OTULIN: variants seen among roughly 807,000 people sequenced by gnomAD.
OTULIN encodes the protein OTU deubiquitinase with linear linkage specificity, also known as ubiquitin thioesterase otulin.
OTULIN carries 15 observed loss-of-function variants against 39.6 expected under a neutral mutation model. The ratio of observed to expected loss-of-function variants is 0.38; its 90% CI spans 0.25 to 0.58. The LOEUF (loss-of-function observed/expected upper bound fraction) is 0.58, where lower values mean the gene tolerates loss of function less well. Ranked by LOEUF, OTULIN falls within the 20% of genes least tolerant of loss-of-function variation. The probability of loss-of-function intolerance (pLI) is 0.66; values close to 1 mark genes in which losing one functional copy is unlikely to be tolerated. For synonymous variants in OTULIN, 156 were observed against 170.3 expected (o/e 0.92, Z 0.65); for missense variants, 319 against 445.9 (o/e 0.72, Z 2.56).
At chr5:14,679,504 G>A (rs1736191590) in intron 3 of OTULIN, among the ~76,000 whole-genome samples, 1 of 152,020 alleles carries the variant, frequency 6.6e-6, no homozygotes, top group Admixed American at 6.5e-5. Flanking sequence ...AAACCTCTGG[G>A]TTTATCTTTT....
At chr5:14,708,594 CAGG>C in the OTULIN span, 1 of 152,210 alleles carries the variant, frequency 6.6e-6, no homozygotes, top group Non-Finnish European at 1.5e-5. Context: ...AGAAGAAACG[CAGG>C]AGAATATGCC....
chr5:14,716,350 G>C, the OTULIN span, among the ~76,000 whole-genome samples: 2 of 152,136 alleles, frequency 1.3e-5, no homozygotes, highest in South Asian at 4.1e-4. Flanking sequence ...AAAATTAGTT[G>C]GGTATGGTGG....
chr5:14,677,770 CA>C (rs1297051494), intron 2 of OTULIN, among the ~76,000 whole-genome samples: 1 of 152,104 alleles, frequency 6.6e-6, no homozygotes, highest in East Asian at 1.9e-4. Context: ...TTTTTGGGAT[CA>C]GGGTAGGACA....
In OTULIN at chr5:14,697,798, AT is replaced by A. The variant is rs1432778769; in HGVS notation, c.*4751del. On this transcript the variant is annotated 3_prime_UTR_variant, in exon 7 of 7. Coordinates refer to ENST00000284274, the MANE Select transcript of OTULIN (RefSeq NM_138348.6). ...CAGAAATGAAACTGCCAAAACATCG[AT>A]CAGTACAAGGAAGGGACACAGGGCT... 7.2e-5 allele frequency: 11 copies of A among 152,226 alleles called. No individual in the cohort carries two copies. Among genetic ancestry groups the A allele is most frequent in the African/African-American group, 2.7e-4 (11 of 41,468 alleles). The allele number at this position is 152,226 out of a possible 1,614,324, so 9.4% of individuals were successfully genotyped here.
intron 5 of OTULIN, among the ~76,000 whole-genome samples, chr5:14,689,662 G>A (rs372388437): frequency 1.3e-5 from 2 of 152,146 alleles, no homozygotes; most frequent in African/African-American, 4.8e-5. Context: ...TAACCCTCCT[G>A]TAAGCCCCTT....
chr5:14,687,703 C>A, intron 5 of OTULIN, 57 bp downstream of exon 5: 2 of 1,507,858 alleles, frequency 1.3e-6, no homozygotes, highest in Non-Finnish European at 1.8e-6. Context: ...CTTGCTTGCC[C>A]CAGAAGACCA....
chr5:14,679,434 T>C (rs578175067), intron 3 of OTULIN, among the ~76,000 whole-genome samples: 4 of 152,336 alleles, frequency 2.6e-5, no homozygotes, highest in African/African-American at 9.6e-5. Context: ...GGGTGAACCA[T>C]GTGAATTGCT....
At position 14,687,510 on chromosome 5, in the gene OTULIN, C is replaced by T. The variant is rs764058936; in HGVS notation, c.469-11C>T. 3.3e-5 allele frequency: 53 copies of T among 1,607,160 alleles called. No homozygotes were observed. The South Asian group carries it at 3.7e-4, about 11-fold the overall frequency. On this transcript the variant is annotated splice_polypyrimidine_tract_variant and intron_variant, in intron 4 of 6. Coordinates refer to ENST00000284274, the MANE Select transcript of OTULIN (RefSeq NM_138348.6). ...AACACTTCTTTATCTCTTTGTTTCTCGATGTTGTAGTTACCAGAAAAACTC... is the reference window on the plus strand; with the variant it reads ...AACACTTCTTTATCTCTTTGTTTCTTGATGTTGTAGTTACCAGAAAAACTC...
chr5:14,712,286 T>A, the OTULIN span, among the ~76,000 whole-genome samples: 3 of 152,244 alleles, frequency 2.0e-5, no homozygotes, highest in Non-Finnish European at 4.4e-5. Context: ...ACTCTGCTAC[T>A]CTCTTGACCA....
chr5:14,691,035 C>G (rs2126336099), intron 6 of OTULIN, among the ~76,000 whole-genome samples: 1 of 152,316 alleles, frequency 6.6e-6, no homozygotes, highest in Non-Finnish European at 1.5e-5. Flanking sequence ...GCTCTTGGAT[C>G]TTTTACAGAT....
chr5:14,712,657 C>T, the OTULIN span, among the ~76,000 whole-genome samples: 4 of 152,238 alleles, frequency 2.6e-5, no homozygotes, highest in East Asian at 1.9e-4. Flanking sequence ...CAAAACTCTT[C>T]AAAGGGACTG....
the OTULIN span, chr5:14,713,794 G>T: frequency 1.6e-5 from 22 of 1,343,200 alleles, no homozygotes; most frequent in Non-Finnish European, 2.3e-5. This position sits in a 1 kb window ranked among gnomAD's most constrained non-coding sequence, Gnocchi z 4.4. Flanking sequence ...CTGTTGAGCC[G>T]CTGGCCACCT....
rs149539563 is a variant in OTULIN, at chr5:14,694,531, T to G, written c.*1483T>G. 2 of 152,168 alleles carry G rather than the reference T, an allele frequency of 1.3e-5. No individual in the cohort carries two copies. Among genetic ancestry groups the G allele is most frequent in the African/African-American group, 4.8e-5 (2 of 41,376 alleles). The allele number at this position is 152,168 out of a possible 1,614,324, so 9.4% of individuals were successfully genotyped here. A position where few individuals can be genotyped will look rare whatever the true frequency, so the allele number is the denominator to read the frequency against. Reference sequence around the variant, plus strand: ...TTATTTGGTCCAATTTAATATAGTTTAGAAGCTATTTTTTTTGAGGCAAAC... The same window carrying G: ...TTATTTGGTCCAATTTAATATAGTTGAGAAGCTATTTTTTTTGAGGCAAAC... On this transcript the variant is annotated 3_prime_UTR_variant, in exon 7 of 7. Transcript: ENST00000284274.
Position 14,699,382 on chromosome 5 carries a change from A to T in OTULIN, c.*6334A>T, listed in dbSNP as rs949704942. 6.6e-6 allele frequency: 1 copy of T among 152,204 alleles called. No homozygotes were observed. Among genetic ancestry groups the T allele is most frequent in the African/African-American group, 2.4e-5 (1 of 41,448 alleles). The allele number at this position is 152,204 out of a possible 1,614,324, so 9.4% of individuals were successfully genotyped here. A position where few individuals can be genotyped will look rare whatever the true frequency, so the allele number is the denominator to read the frequency against. ...GCAAGATGGAGCTGGGCTTCTGAAG[A>T]ACCCAGTGGGTAGGTACTGGGCATC... On this transcript the variant is annotated 3_prime_UTR_variant, in exon 7 of 7. Transcript: ENST00000284274.
chr5:14,686,031 A>G (rs533955636), intron 4 of OTULIN, among the ~76,000 whole-genome samples: 1 of 152,068 alleles, frequency 6.6e-6, no homozygotes, highest in Non-Finnish European at 1.5e-5. Flanking sequence ...TGAGGAGGAG[A>G]AGTCCCTCTC....
At chr5:14,667,600 C>T (rs2126811518) in intron 1 of OTULIN, among the ~76,000 whole-genome samples, 1 of 152,326 alleles carries the variant, frequency 6.6e-6, no homozygotes, top group Non-Finnish European at 1.5e-5. Flanking sequence ...GTCTCTACCT[C>T]TTGGGCTCAA....
chr5:14,681,309 A>G (rs549107191), intron 3 of OTULIN, among the ~76,000 whole-genome samples, 155 bp from the exon 4 acceptor site: 1 of 152,016 alleles, frequency 6.6e-6, no homozygotes, highest in Non-Finnish European at 1.5e-5. Flanking sequence ...GCCAGTGAGT[A>G]AGTGTTAAAA....
chr5:14,703,935 C>A (rs1044835733), downstream of OTULIN, among the ~76,000 whole-genome samples: 1 of 152,164 alleles, frequency 6.6e-6, no homozygotes, highest in African/African-American at 2.4e-5. Flanking sequence ...TAGAATCTTA[C>A]TGACTACAGG....
chr5:14,693,362 G>T lies in OTULIN; in HGVS notation c.*314G>T. ...GAAACTCAGTTTTGGAGAGGAATAT[G>T]TTCTTTATGTCTCAAATCAAAACTC... On this transcript the variant is annotated 3_prime_UTR_variant, in exon 7 of 7. Transcript: ENST00000284274. The T allele has an allele frequency of 4.0e-6, 1 of 249,770 alleles. No individual in the cohort carries two copies. Among genetic ancestry groups the T allele is most frequent in the Non-Finnish European group, 7.6e-6 (1 of 131,404 alleles). 15.5% of individuals were successfully genotyped at this position (249,770 alleles called of 1,614,324 possible). A position where few individuals can be genotyped will look rare whatever the true frequency, so the allele number is the denominator to read the frequency against.
Sources: allele counts gnomAD v4.1 joint callset (sites outside exome capture counted in the v4.1 genomes callset), GRCh38; gene constraint gnomAD v4.1.1; non-coding constraint Gnocchi (gnomAD v3.1); transcripts MANE v1.5; gene names NCBI Gene and HGNC (gene_info 2026-07-23, HGNC 2026-07-21).